Variants in SLC4A10 observed in about 807,000 individuals in gnomAD.
The protein encoded by SLC4A10 is solute carrier family 4 member 10.
In SLC4A10, 42 loss-of-function variants were observed where a neutral mutation model predicts 137.7. That is an observed-to-expected ratio of 0.30 (90% confidence interval 0.24 to 0.39). The LOEUF is 0.39. Ranked by LOEUF, SLC4A10 falls within the 10% of genes least tolerant of loss-of-function variation. SLC4A10 has a pLI of 1.00. For synonymous variants in SLC4A10, 474 were observed against 464.1 expected (o/e 1.02, Z -0.27); for missense variants, 925 against 1,355.0 (o/e 0.68, Z 4.98).
intron 1 of SLC4A10, among the ~76,000 whole-genome samples, chr2:161,658,596 C>CTTTTT (rs35686377): frequency 5.5e-5 from 7 of 128,390 alleles, no homozygotes; most frequent in East Asian, 2.3e-4. Flanking sequence ...AAATAGTTTC[C>CTTTTT]TTTTTTTTTT....
intron 23 of SLC4A10, among the ~76,000 whole-genome samples, chr2:161,973,369 T>G (rs1401599298): frequency 3.9e-5 from 6 of 152,222 alleles, no homozygotes; most frequent in African/African-American, 1.4e-4. Flanking sequence ...GATAACATTA[T>G]TTGAAAACGA....
chr2:161,824,872 C>T (rs1393915348), intron 3 of SLC4A10, among the ~76,000 whole-genome samples: 1 of 152,170 alleles, frequency 6.6e-6, no homozygotes, highest in Non-Finnish European at 1.5e-5. Flanking sequence ...GTGTCTGCCT[C>T]TCTTGCCTCC....
At position 161,822,765 on chromosome 2, in the gene SLC4A10, A is replaced by G. The variant is rs142154422; in HGVS notation, c.278-17024A>G. 3.9e-4 allele frequency among the ~76,000 whole-genome samples: 59 copies of G among 152,304 alleles called. 1 individual carries two copies. The East Asian group carries it at 7.9e-3, about 20-fold the overall frequency. On this transcript the variant is annotated intron_variant, in intron 3 of 26. Transcript: ENST00000446997. ...CTAGAAACACAGATCACTTGAGGCC[A>G]GGAGTTGGAGACCATCATGGCCAAC...
At chr2:161,940,098 T>G (rs954118043) in intron 15 of SLC4A10, among the ~76,000 whole-genome samples, 1 of 152,064 alleles carries the variant, frequency 6.6e-6, no homozygotes, top group African/African-American at 2.4e-5. Flanking sequence ...ATACAGCAAA[T>G]GAAGAAACAT....
intron 1 of SLC4A10, among the ~76,000 whole-genome samples, chr2:161,636,860 ATTTT>A (rs1209936849): frequency 1.3e-5 from 2 of 150,404 alleles, no homozygotes; most frequent in African/African-American, 4.9e-5. Context: ...TGTCTAATTA[ATTTT>A]TTTATTTTTT....
At position 161,717,297 on chromosome 2, in the gene SLC4A10, G is replaced by C. The variant is rs1247192212; in HGVS notation, c.49-53676G>C. On this transcript the variant is annotated intron_variant, in intron 1 of 26. Transcript: ENST00000446997. The stretch of plus-strand genomic sequence containing the variant: ...GAATACGCTTTATTTATTTCTCTTT[G>C]CCTGATTGCCCTGGCCAGAACTTCC... 5.3e-5 allele frequency among the ~76,000 whole-genome samples: 8 copies of C among 152,034 alleles called. No individual in the cohort carries two copies. The East Asian group carries it at 1.5e-3, about 29-fold the overall frequency.
At chr2:161,922,005 A>G (rs1217080221) in intron 15 of SLC4A10, among the ~76,000 whole-genome samples, 1 of 152,200 alleles carries the variant, frequency 6.6e-6, no homozygotes, top group African/African-American at 2.4e-5. Context: ...AAAAAAATGA[A>G]TGCATAGACA....
intron 15 of SLC4A10, chr2:161,931,075 C>T (rs57058277): frequency 6.6e-6 from 1 of 152,128 alleles, no homozygotes; most frequent in Admixed American, 6.6e-5. Flanking sequence ...GGATTACAGG[C>T]GTGCACCACC....
At chr2:161,904,705 A>G in intron 13 of SLC4A10, 71 bp from the exon 14 acceptor site, 4 of 1,560,976 alleles carry the variant, frequency 2.6e-6, no homozygotes, top group Non-Finnish European at 3.5e-6. Flanking sequence ...ATGTATTTTA[A>G]ATGTCTTCTC....
At chr2:161,800,882 C>G (rs1167343173) in intron 2 of SLC4A10, among the ~76,000 whole-genome samples, 1 of 151,974 alleles carries the variant, frequency 6.6e-6, no homozygotes, top group Non-Finnish European at 1.5e-5. Flanking sequence ...AACCAGAGGT[C>G]GCAGGAACAA....
intron 1 of SLC4A10, among the ~76,000 whole-genome samples, chr2:161,706,710 T>C (rs1438739838): frequency 2.0e-5 from 3 of 151,582 alleles, no homozygotes; most frequent in African/African-American, 7.2e-5. Flanking sequence ...TGGGCCTCAC[T>C]TCTCATCTCT....
At chr2:161,690,839 G>T (rs2041911449) in intron 1 of SLC4A10, among the ~76,000 whole-genome samples, 1 of 151,894 alleles carries the variant, frequency 6.6e-6, no homozygotes, top group African/African-American at 2.4e-5. Flanking sequence ...ATACATGCTG[G>T]GCTTAAAACC....
chr2:161,728,553 G>T (rs759787031), intron 1 of SLC4A10, among the ~76,000 whole-genome samples: 6 of 151,796 alleles, frequency 4.0e-5, no homozygotes, highest in Non-Finnish European at 5.9e-5. Context: ...CAGCCTAGGC[G>T]ACAGAGGAAG....
intron 15 of SLC4A10, among the ~76,000 whole-genome samples, chr2:161,928,331 A>G (rs7591468): frequency 0.52 from 70,553 of 135,572 alleles, 18,657 homozygotes; most frequent in East Asian, 0.84. Context: ...ATGAGAACAC[A>G]TGGACACAGG....
chr2:161,810,482 G>T (rs1269662822), intron 3 of SLC4A10, among the ~76,000 whole-genome samples: 1 of 151,954 alleles, frequency 6.6e-6, no homozygotes, highest in Non-Finnish European at 1.5e-5. Context: ...TGCCCATTCA[G>T]TATGATTTTA....
intron 4 of SLC4A10, among the ~76,000 whole-genome samples, chr2:161,848,059 A>G (rs2059609318): frequency 6.6e-6 from 1 of 152,166 alleles, no homozygotes; most frequent in Non-Finnish European, 1.5e-5. Context: ...CTTTTTAGTA[A>G]TAGCCATTCT....
At chr2:161,893,399 C>A (rs2063115755) in intron 10 of SLC4A10, among the ~76,000 whole-genome samples, 1 of 152,014 alleles carries the variant, frequency 6.6e-6, no homozygotes, top group Non-Finnish European at 1.5e-5. Context: ...AACTGCAAAT[C>A]AAAAATATTT....
intron 1 of SLC4A10, among the ~76,000 whole-genome samples, chr2:161,701,378 A>G (rs1460903985): frequency 6.6e-6 from 1 of 152,022 alleles, no homozygotes; most frequent in African/African-American, 2.4e-5. Flanking sequence ...GTACAATTGT[A>G]GTGTTGCCAA....
chr2:161,858,476 A>G (rs1016559591), intron 5 of SLC4A10, among the ~76,000 whole-genome samples: 3 of 152,156 alleles, frequency 2.0e-5, no homozygotes, highest in African/African-American at 7.2e-5. Context: ...TCTGTTTCCC[A>G]ATGTTTCAGG....
Sources: gnomAD v4.1 joint callset for allele counts (sites outside exome capture counted in the v4.1 genomes callset) on GRCh38, gnomAD v4.1.1 for gene constraint, MANE v1.5 for transcripts, NCBI Gene and HGNC (gene_info 2026-07-23, HGNC 2026-07-21) for gene names.